Variants in NAV2 observed in about 807,000 individuals in gnomAD.
The protein encoded by NAV2 is helicase, APC down-regulated 1.
A neutral mutation model predicts 223.2 loss-of-function variants in NAV2; 54 were observed. That is an observed-to-expected ratio of 0.24 (90% CI 0.19 to 0.30). NAV2 has a LOEUF of 0.30. Among genes scored for constraint, NAV2 ranks in the 10% least tolerant of loss-of-function variants. The pLI is 1.00. For synonymous variants in NAV2, 1,279 were observed against 1,239.3 expected, an observed-to-expected ratio of 1.03 and a Z score of -0.67; for missense variants, 2,806 against 3,147.5, an observed-to-expected ratio of 0.89 and a Z score of 2.60.
intron 1 of NAV2, among the ~76,000 whole-genome samples, chr11:19,419,994 T>C (rs180686112): frequency 8.3e-4 from 127 of 152,310 alleles, no homozygotes; most frequent in South Asian, 5.0e-3. Flanking sequence ...TCTTTCCTAA[T>C]GGCATTGCAT....
chr11:19,570,494 G>A (rs2134888592), intron 1 of NAV2, among the ~76,000 whole-genome samples: 1 of 152,286 alleles, frequency 6.6e-6, no homozygotes, highest in South Asian at 2.1e-4. Context: ...TACACCAAAT[G>A]ACAGCTTCAG....
intron 1 of NAV2, among the ~76,000 whole-genome samples, chr11:19,414,911 C>G (rs949363791): frequency 6.6e-6 from 1 of 152,148 alleles, no homozygotes; most frequent in Non-Finnish European, 1.5e-5. Context: ...AACAAAGACA[C>G]AGTGTACTAG....
chr11:19,417,143 A>T (rs1850405501), intron 1 of NAV2, among the ~76,000 whole-genome samples: 1 of 152,180 alleles, frequency 6.6e-6, no homozygotes, highest in African/African-American at 2.4e-5. Flanking sequence ...AGGAACTATC[A>T]TCAGAATGAA....
At chr11:19,720,524 C>G (rs569686966) in intron 1 of NAV2, among the ~76,000 whole-genome samples, 166 of 152,324 alleles carry the variant, frequency 1.1e-3, no homozygotes, top group Non-Finnish European at 1.9e-3. Flanking sequence ...TCCAATCCTT[C>G]CGTTCATCTT....
intron 1 of NAV2, among the ~76,000 whole-genome samples, chr11:19,465,780 G>C (rs1202043645): frequency 6.6e-6 from 1 of 152,184 alleles, no homozygotes; most frequent in East Asian, 1.9e-4. Flanking sequence ...TTTACAGTTG[G>C]GGAAACTGAG....
chr11:19,486,203 G>A (rs2134036175), intron 1 of NAV2, among the ~76,000 whole-genome samples: 1 of 152,262 alleles, frequency 6.6e-6, no homozygotes, highest in South Asian at 2.1e-4. Context: ...CAGAGTAGCT[G>A]TGGGTGGAAT....
Position 20,121,313 on chromosome 11 carries a change from G to A in NAV2, c.*3055G>A, listed in dbSNP as rs1388717037. 6.6e-6 allele frequency: 1 copy of A among 152,596 alleles called. No individual in the cohort carries two copies. The highest frequency in any genetic ancestry group is 2.4e-5 in the African/African-American group (1 of 41,424). 9.5% of individuals were successfully genotyped at this position (152,596 alleles called of 1,614,324 possible). ...ATTTTTTCATTGTAACATAGAAATT[G>A]TAAATAATTGATTAAAGTGCTGCAT... On this transcript the variant is annotated 3_prime_UTR_variant, in exon 38 of 38. Transcript: ENST00000349880.
intron 1 of NAV2, among the ~76,000 whole-genome samples, chr11:19,638,905 C>T (rs1372835487): frequency 6.6e-6 from 1 of 152,152 alleles, no homozygotes; most frequent in Non-Finnish European, 1.5e-5. Flanking sequence ...AGGCAGGAGA[C>T]TCGCTTGAAC....
chr11:19,532,087 A>G (rs1396825767), intron 1 of NAV2, among the ~76,000 whole-genome samples: 1 of 152,244 alleles, frequency 6.6e-6, no homozygotes, highest in Non-Finnish European at 1.5e-5. Flanking sequence ...AGAAGTATAA[A>G]GGACTGAGCA....
At chr11:20,010,911 A>G (rs914838236) in intron 11 of NAV2, among the ~76,000 whole-genome samples, 1 of 152,236 alleles carries the variant, frequency 6.6e-6, no homozygotes, top group African/African-American at 2.4e-5. Flanking sequence ...AGTTCTAACA[A>G]AACACCTTTA....
chr11:20,108,340 T>A (rs919017978), intron 36 of NAV2, among the ~76,000 whole-genome samples: 1 of 152,254 alleles, frequency 6.6e-6, no homozygotes, highest in African/African-American at 2.4e-5. Flanking sequence ...GCCCTGAGGC[T>A]GGTGGCATTC....
At chr11:19,798,853 G>C (rs2058070927) in intron 1 of NAV2, among the ~76,000 whole-genome samples, 1 of 152,202 alleles carries the variant, frequency 6.6e-6, no homozygotes, top group Admixed American at 6.5e-5. Context: ...GGCAATGCCT[G>C]ACTTCGACCT....
intron 11 of NAV2, among the ~76,000 whole-genome samples, chr11:20,006,037 G>T (rs1482830757): frequency 6.6e-6 from 1 of 151,978 alleles, no homozygotes; most frequent in Admixed American, 6.5e-5. Context: ...ATCACCTGAG[G>T]TCAGGAGTTC....
chr11:19,577,243 C>A (rs561534572), intron 1 of NAV2, among the ~76,000 whole-genome samples: 1 of 152,260 alleles, frequency 6.6e-6, no homozygotes, highest in Non-Finnish European at 1.5e-5. Context: ...GTGTTGCTAA[C>A]TGGCGAAAGC....
intron 10 of NAV2, among the ~76,000 whole-genome samples, chr11:19,971,891 C>T (rs1290496493): frequency 2.0e-5 from 3 of 152,192 alleles, no homozygotes; most frequent in Non-Finnish European, 1.5e-5. Flanking sequence ...TTAGTAGAGA[C>T]GGGGTTTCAC....
rs74568888 is a variant in NAV2 at position 19,514,433 on chromosome 11, A to G, written c.75+163406A>G. On this transcript the variant is annotated intron_variant, in intron 1 of 37. Transcript: ENST00000360655. ...TTTTACCGACATTTTAGGTGAAAATATTTATCAACTCCTCAACCCAATTCT... is the reference window on the plus strand; with the variant it reads ...TTTTACCGACATTTTAGGTGAAAATGTTTATCAACTCCTCAACCCAATTCT... 1.6e-3 allele frequency among the ~76,000 whole-genome samples: 249 copies of G among 152,242 alleles called. 2 individuals carry two copies. Among genetic ancestry groups the G allele is most frequent in the African/African-American group, 5.7e-3 (237 of 41,532 alleles).
At chr11:19,697,906 C>T (rs967881035) in intron 1 of NAV2, among the ~76,000 whole-genome samples, 1 of 152,176 alleles carries the variant, frequency 6.6e-6, no homozygotes, top group Non-Finnish European at 1.5e-5. Context: ...GACACGTTAT[C>T]GTAACGCTGG....
intron 11 of NAV2, 97 bp from the exon 12 acceptor site, chr11:20,035,862 G>C: frequency 7.0e-7 from 1 of 1,431,366 alleles, no homozygotes; most frequent in South Asian, 1.3e-5. Context: ...GGCACAGATT[G>C]GATCTTTTCG....
At chr11:20,097,283 CA>C (rs142861982) in intron 30 of NAV2, among the ~76,000 whole-genome samples, 1,689 of 152,282 alleles carry the variant, frequency 0.011, 26 homozygotes, top group African/African-American at 0.039. Flanking sequence ...TTAGGAAAAG[CA>C]GCCTAGCTTT....
Sources: allele counts gnomAD v4.1 joint callset (sites outside exome capture counted in the v4.1 genomes callset), GRCh38; gene constraint gnomAD v4.1.1; transcripts MANE v1.5; gene names NCBI Gene and HGNC (gene_info 2026-07-23, HGNC 2026-07-21).